PARK7: variants seen among roughly 807,000 people sequenced by gnomAD.
PARK7 encodes Parkinson disease protein 7.
In PARK7, 14 loss-of-function variants were observed where a neutral mutation model predicts 20.5. That is an observed-to-expected ratio of 0.68 (90% CI 0.45 to 1.07). The LOEUF (loss-of-function observed/expected upper bound fraction) is 1.07. Among genes scored for constraint, PARK7 ranks in the 50% least tolerant of loss-of-function variants. PARK7 has a pLI of 0.00. For missense variants in PARK7, 234 were observed against 238.1 expected (o/e 0.98, Z 0.11); for synonymous variants, 98 against 84.3 (o/e 1.16, Z -0.89).
intron 5 of PARK7, among the ~76,000 whole-genome samples, chr1:7,974,789 G>C (rs569592613): frequency 1.7e-4 from 26 of 151,696 alleles, no homozygotes; most frequent in Non-Finnish European, 2.8e-4. Context: ...TATGGGAATG[G>C]AACAGAGGAG....
chr1:7,962,708 A>G (rs1640233781), intron 1 of PARK7, 55 bp from the exon 2 acceptor site: 1 of 1,160,482 alleles, frequency 8.6e-7, no homozygotes, highest in South Asian at 1.4e-5. Context: ...ATTTTGGGGT[A>G]TCTCAGGGTT....
intron 5 of PARK7, among the ~76,000 whole-genome samples, chr1:7,975,505 T>C (rs1640564340): frequency 6.6e-6 from 1 of 152,180 alleles, no homozygotes; most frequent in African/African-American, 2.4e-5. Context: ...CTCTGCACTG[T>C]AGTGCAGAGT....
Position 7,961,779 on chromosome 1 carries a change from AGGCGCGGGGTGCAGGTCAGCGCCAGCGG to A in PARK7, c.-35_-24+16del, listed in dbSNP as rs1488609141. ...GCCGGGGCGCCGCGTCCGCAGGAAGAGGCGCGGGGTGCAGGTCAGCGCCAGCGGGGGCGCGGCGCATGTGTGGGCCGTG... is the reference window on the plus strand; with the variant it reads ...GCCGGGGCGCCGCGTCCGCAGGAAGAGGGCGCGGCGCATGTGTGGGCCGTG... On this transcript the variant is annotated splice_donor_variant and splice_donor_5th_base_variant and 5_prime_UTR_variant and intron_variant, in exon 1 of 7. Transcript: ENST00000338639. LOFTEE classifies it low-confidence loss of function (5UTR_SPLICE). 6.6e-6 allele frequency: 1 copy of A among 152,542 alleles called. No homozygotes were observed. The highest frequency in any genetic ancestry group is 1.5e-5 in the Non-Finnish European group (1 of 68,300). The allele number at this position is 152,542 out of a possible 1,614,324, so 9.4% of individuals were successfully genotyped here.
At chr1:7,963,050 A>G (rs1423794688) in intron 2 of PARK7, among the ~76,000 whole-genome samples, 175 bp downstream of exon 2, 3 of 152,156 alleles carry the variant, frequency 2.0e-5, no homozygotes, top group African/African-American at 4.8e-5. Flanking sequence ...ACGCTTGTTA[A>G]TGTCTTGCCA....
intron 6 of PARK7, among the ~76,000 whole-genome samples, chr1:7,982,729 G>C (rs548880860): frequency 6.6e-6 from 1 of 152,290 alleles, no homozygotes; most frequent in South Asian, 2.1e-4. Context: ...AAATGGTCTT[G>C]GCCTGGTTTA....
chr1:7,971,008 G>A (rs369400157), intron 5 of PARK7, 45 bp downstream of exon 5: 1 of 1,600,438 alleles, frequency 6.2e-7, no homozygotes, highest in Non-Finnish European at 8.6e-7. Flanking sequence ...TTGGTGGGTG[G>A]GGTAGCCTTT....
intron 3 of PARK7, among the ~76,000 whole-genome samples, chr1:7,967,128 A>G (rs985434923): frequency 6.6e-6 from 1 of 151,302 alleles, no homozygotes; most frequent in Non-Finnish European, 1.5e-5. Flanking sequence ...TATGTGATCA[A>G]TTTTTTTTTA....
In PARK7 at chr1:7,966,120, C is replaced by T. The variant is rs764418010; in HGVS notation, c.192+695C>T. Among the ~76,000 whole-genome samples the T allele has an allele frequency of 3.4e-4, 51 of 152,172 alleles. No individual in the cohort carries two copies. In the Middle Eastern group the frequency reaches 0.014, roughly 41 times the overall value. ...TCAGAAACATGCTCCCCCACAGGCG[C>T]TTTTGCACACTCCGTCGTGCGGTCA... On this transcript the variant is annotated intron_variant, in intron 3 of 6. Coordinates refer to ENST00000338639, the MANE Select transcript of PARK7 (RefSeq NM_007262.5).
chr1:7,983,736 G>A (rs6663270), intron 6 of PARK7, among the ~76,000 whole-genome samples: 3,429 of 152,284 alleles, frequency 0.023, 121 homozygotes, highest in African/African-American at 0.078. Context: ...GCGCACAGCC[G>A]GAAGGGAGAG....
At chr1:7,962,669 C>T (rs927190062) in intron 1 of PARK7, 94 bp from the exon 2 acceptor site, 3 of 759,114 alleles carry the variant, frequency 4.0e-6, no homozygotes, top group African/African-American at 1.8e-5. Flanking sequence ...GAAGTACTTA[C>T]TCTGCTTGAA....
intron 4 of PARK7, among the ~76,000 whole-genome samples, chr1:7,969,772 G>GT (rs1398147911): frequency 6.6e-6 from 1 of 152,082 alleles, no homozygotes; most frequent in Non-Finnish European, 1.5e-5. Flanking sequence ...TAGAGACGGG[G>GT]TTTCACCATG....
Position 7,984,798 on chromosome 1 carries a change from G to A in PARK7, c.410-96G>A, listed in dbSNP as rs766508355. ...TTTGAATGGTTAGCTACAGTGTTGG[G>A]TTTATATGCTGTAATAGTGAATTTA... On this transcript the variant is annotated intron_variant, in intron 6 of 6. Transcript: ENST00000338639. This position sits in a 1 kb window ranked among gnomAD's most constrained non-coding sequence, Gnocchi z 4.3. 2.6e-5 allele frequency: 38 copies of A among 1,449,648 alleles called. No homozygotes were observed. The highest frequency in any genetic ancestry group is 3.7e-5 in the Non-Finnish European group (38 of 1,037,762). 89.8% of individuals were successfully genotyped at this position (1,449,648 alleles called of 1,614,324 possible).
intron 4 of PARK7, 37 bp downstream of exon 4, chr1:7,969,441 G>T (rs765215536): frequency 1.1e-5 from 7 of 660,816 alleles, no homozygotes; most frequent in Non-Finnish European, 1.4e-5. Flanking sequence ...CAATAAAGCT[G>T]GGGGGGGGGA....
At chr1:7,982,477 G>A (rs1276438461) in intron 6 of PARK7, among the ~76,000 whole-genome samples, 1 of 152,164 alleles carries the variant, frequency 6.6e-6, no homozygotes, top group South Asian at 2.1e-4. Context: ...TTCTGTCTTC[G>A]CCACTAGGTG....
chr1:7,980,814 T>C (rs1370631519), intron 6 of PARK7, among the ~76,000 whole-genome samples: 1 of 152,222 alleles, frequency 6.6e-6, no homozygotes, highest in Non-Finnish European at 1.5e-5. Context: ...AAGATCAGTG[T>C]GACAGTTTCT....
intron 6 of PARK7, among the ~76,000 whole-genome samples, chr1:7,979,044 A>G (rs1386011568): frequency 6.6e-6 from 1 of 152,124 alleles, no homozygotes; most frequent in Non-Finnish European, 1.5e-5. Context: ...CTTGTTAAGT[A>G]CAGCTGCTAG....
intron 6 of PARK7, among the ~76,000 whole-genome samples, chr1:7,979,818 T>C (rs1640672342): frequency 6.6e-6 from 1 of 152,164 alleles, no homozygotes; most frequent in Non-Finnish European, 1.5e-5. Flanking sequence ...TTTATTTTAG[T>C]TGCTAGAAAG....
intron 5 of PARK7, among the ~76,000 whole-genome samples, chr1:7,977,233 G>A (rs1406880788): frequency 6.6e-6 from 1 of 152,154 alleles, no homozygotes; most frequent in Non-Finnish European, 1.5e-5. Context: ...AGAGAGGTGA[G>A]CACATTTTGT....
intron 5 of PARK7, chr1:7,971,350 C>T (rs1008186483): frequency 3.8e-5 from 11 of 288,442 alleles, no homozygotes; most frequent in Non-Finnish European, 6.1e-5. Context: ...GCTTGCCCTG[C>T]AAATTCAGAA....
Sources: gnomAD v4.1 joint callset for allele counts (sites outside exome capture counted in the v4.1 genomes callset) on GRCh38, gnomAD v4.1.1 for gene constraint, Gnocchi (gnomAD v3.1) non-coding constraint, MANE v1.5 for transcripts, NCBI Gene and HGNC (gene_info 2026-07-23, HGNC 2026-07-21) for gene names.